Variants in SUGCT observed in about 807,000 individuals in gnomAD.
SUGCT encodes the protein succinyl-CoA:glutarate CoA-transferase.
In SUGCT, 41 loss-of-function variants were observed where a neutral mutation model predicts 55.0. That is an observed-to-expected ratio of 0.74 (90% CI 0.58 to 0.97). SUGCT has a LOEUF of 0.97. Ranked by LOEUF, SUGCT falls within the 50% of genes least tolerant of loss-of-function variation. The pLI, the probability that SUGCT is intolerant of heterozygous loss-of-function variation, is 0.00. For missense variants in SUGCT, 568 were observed against 547.8 expected (o/e 1.04, Z -0.37); for synonymous variants, 187 against 200.4 (o/e 0.93, Z 0.56).
Position 40,360,814 on chromosome 7 carries a change from G to A in SUGCT, c.816+43959G>A, listed in dbSNP as rs1415299700. Among the ~76,000 whole-genome samples the A allele has an allele frequency of 2.0e-5, 3 of 152,070 alleles. No individual in the cohort carries two copies. In the East Asian group the frequency reaches 5.8e-4, roughly 29 times the overall value. On this transcript the variant is annotated intron_variant, in intron 9 of 13. Transcript: ENST00000335693. ...GGAGAGAGCCTCTGAAATGTTTTAG[G>A]TACTCAAAGACATTTGTGTTTAGAA...
chr7:40,483,988 C>T (rs1007863682), intron 11 of SUGCT, among the ~76,000 whole-genome samples: 2 of 152,146 alleles, frequency 1.3e-5, no homozygotes, highest in Non-Finnish European at 2.9e-5. Flanking sequence ...TAGGAAATCA[C>T]TGATAAGTAA....
chr7:40,708,554 G>C (rs1019397741), intron 12 of SUGCT, among the ~76,000 whole-genome samples: 1 of 152,146 alleles, frequency 6.6e-6, no homozygotes, highest in Non-Finnish European at 1.5e-5. Flanking sequence ...GAGGCCTTCC[G>C]ATCACATCAT....
intron 12 of SUGCT, among the ~76,000 whole-genome samples, chr7:40,500,592 G>A (rs1198512111): frequency 1.3e-5 from 2 of 152,072 alleles, no homozygotes; most frequent in African/African-American, 2.4e-5. Context: ...CTTTTGTATG[G>A]GATGAATATG....
intron 12 of SUGCT, among the ~76,000 whole-genome samples, chr7:40,709,402 G>T (rs1430083119): frequency 6.6e-6 from 1 of 152,362 alleles, no homozygotes; most frequent in African/African-American, 2.4e-5. Flanking sequence ...TCCTGTAAGA[G>T]AGTGAGGAGA....
At chr7:40,710,801 C>G (rs889915735) in intron 12 of SUGCT, among the ~76,000 whole-genome samples, 1 of 151,990 alleles carries the variant, frequency 6.6e-6, no homozygotes, top group African/African-American at 2.4e-5. Context: ...TTATTTTTTC[C>G]CATGGGATCT....
chr7:40,980,912 G>C, the SUGCT span, among the ~76,000 whole-genome samples: 2 of 152,162 alleles, frequency 1.3e-5, no homozygotes, highest in Non-Finnish European at 2.9e-5. Flanking sequence ...TGCTCAGGCT[G>C]GTCTCAAACT....
At chr7:40,993,553 G>A in the SUGCT span, among the ~76,000 whole-genome samples, 6 of 152,292 alleles carry the variant, frequency 3.9e-5, no homozygotes, top group Admixed American at 6.5e-5. Context: ...ACATCTCACC[G>A]CACAGGAAGC....
At chr7:40,883,802 C>A in the SUGCT span, among the ~76,000 whole-genome samples, 1 of 152,064 alleles carries the variant, frequency 6.6e-6, no homozygotes, top group Non-Finnish European at 1.5e-5. Context: ...TTGATTTATC[C>A]CTATCTCAGT....
At chr7:40,790,711 C>A (rs146445632) in intron 13 of SUGCT, among the ~76,000 whole-genome samples, 3 of 152,046 alleles carry the variant, frequency 2.0e-5, no homozygotes, top group Non-Finnish European at 4.4e-5. Flanking sequence ...ATTCTGATAA[C>A]CTTGAGAAAA....
intron 13 of SUGCT, among the ~76,000 whole-genome samples, chr7:40,788,418 T>C (rs1322047598): frequency 2.6e-5 from 4 of 152,152 alleles, no homozygotes; most frequent in Non-Finnish European, 4.4e-5. Context: ...TGCACAGACG[T>C]TGGAATTACC....
the SUGCT span, among the ~76,000 whole-genome samples, chr7:40,913,304 C>T: frequency 6.6e-6 from 1 of 152,138 alleles, no homozygotes; most frequent in African/African-American, 2.4e-5. Flanking sequence ...CACTATGCCA[C>T]ATGCACATTG....
intron 8 of SUGCT, among the ~76,000 whole-genome samples, chr7:40,284,240 CTAGAGT>C (rs1426593711): frequency 6.6e-6 from 1 of 152,012 alleles, no homozygotes; most frequent in Non-Finnish European, 1.5e-5. Flanking sequence ...AGCAAGGTGA[CTAGAGT>C]TAATGTGTAC....
chr7:40,953,040 A>G, the SUGCT span, among the ~76,000 whole-genome samples: 1 of 152,326 alleles, frequency 6.6e-6, no homozygotes, highest in Non-Finnish European at 1.5e-5. Flanking sequence ...AATATCCTGA[A>G]GAGTGTTTTC....
At chr7:40,805,550 A>G (rs929504358) in intron 13 of SUGCT, among the ~76,000 whole-genome samples, 1 of 152,220 alleles carries the variant, frequency 6.6e-6, no homozygotes, top group Non-Finnish European at 1.5e-5. Flanking sequence ...TAATTCATTC[A>G]TCAAAGCAGA....
chr7:40,209,572 G>A (rs543446816), intron 6 of SUGCT, among the ~76,000 whole-genome samples: 1 of 152,182 alleles, frequency 6.6e-6, no homozygotes, highest in Non-Finnish European at 1.5e-5. Context: ...CAAGGCGGCT[G>A]AATCACCTGA....
At chr7:40,927,982 A>C in the SUGCT span, among the ~76,000 whole-genome samples, 1 of 152,020 alleles carries the variant, frequency 6.6e-6, no homozygotes, top group African/African-American at 2.4e-5. Context: ...TTCTTCTGGA[A>C]TCTATTGTTG....
At position 40,212,879 on chromosome 7, in the gene SUGCT, C is replaced by G. The variant is rs897089239; in HGVS notation, c.484+17819C>G. Among the ~76,000 whole-genome samples, 8 of 152,112 alleles carry G rather than the reference C, an allele frequency of 5.3e-5. No homozygotes were observed. The South Asian group carries it at 1.7e-3, about 32-fold the overall frequency. On this transcript the variant is annotated intron_variant, in intron 6 of 13. Transcript: ENST00000335693. ...GTCTTTCTCAGTGATTGATAAGAAA[C>G]AAAAATAGTAACTGTGAGGTGATGG...
intron 9 of SUGCT, among the ~76,000 whole-genome samples, chr7:40,445,179 A>G (rs954594419): frequency 6.6e-6 from 1 of 152,132 alleles, no homozygotes; most frequent in African/African-American, 2.4e-5. Context: ...GAGACACAAA[A>G]AACCCTTAAA....
chr7:40,988,463 T>C, the SUGCT span, among the ~76,000 whole-genome samples: 2 of 151,868 alleles, frequency 1.3e-5, no homozygotes, highest in South Asian at 4.2e-4. Flanking sequence ...TGAAGGAATC[T>C]TTTATAGATT....
Sources: gnomAD v4.1 joint callset for allele counts (sites outside exome capture counted in the v4.1 genomes callset) on GRCh38, gnomAD v4.1.1 for gene constraint, MANE v1.5 for transcripts, NCBI Gene and HGNC (gene_info 2026-07-23, HGNC 2026-07-21) for gene names.